Variants in DIP2B observed in about 807,000 individuals in gnomAD.
DIP2B encodes the protein DIP2 acetate--CoA ligase B (putative).
Under a neutral mutation model 198.0 loss-of-function variants are expected in DIP2B, and 76 were observed. That is an observed-to-expected ratio of 0.38 (90% CI 0.32 to 0.46). The LOEUF (loss-of-function observed/expected upper bound fraction) is 0.46, where lower values mean the gene tolerates loss of function less well. Ranked by LOEUF, DIP2B falls within the 20% of genes least tolerant of loss-of-function variation. The pLI is 0.99. For missense variants in DIP2B, 1,559 were observed against 1,978.4 expected, an observed-to-expected ratio of 0.79 and a Z score of 4.02; for synonymous variants, 701 against 739.1, an observed-to-expected ratio of 0.95 and a Z score of 0.84.
chr12:50,733,555 A>G (rs557728229), intron 32 of DIP2B, among the ~76,000 whole-genome samples: 2 of 152,198 alleles, frequency 1.3e-5, no homozygotes, highest in African/African-American at 4.8e-5. Flanking sequence ...TGCAAAAAAT[A>G]TAGATGGGCT....
chr12:50,730,329 CTTCT>C (rs940009998), intron 30 of DIP2B, among the ~76,000 whole-genome samples: 5 of 151,476 alleles, frequency 3.3e-5, no homozygotes, highest in African/African-American at 4.9e-5. Context: ...CTTTCTTTTT[CTTCT>C]TTTTCTTTCT....
chr12:50,727,714 A>T lies in DIP2B; in HGVS notation c.3412A>T (p.Arg1138Trp). Residue 1138 changes from arginine to tryptophan, a missense_variant, in exon 29 of 38, where the codon AGG becomes TGG. Coordinates refer to ENST00000301180, the MANE Select transcript of DIP2B (RefSeq NM_173602.3). ...PTIIDTDDLP[R>W]KRLPQLYKPP... Reference sequence around the variant, plus strand: ...TCTTTTCATGGCAGATGATTTACCCAGGAAAAGGTTACCTCAGCTGTATAA... The same window carrying T: ...TCTTTTCATGGCAGATGATTTACCCTGGAAAAGGTTACCTCAGCTGTATAA... 1 of 1,613,968 alleles carries T rather than the reference A, an allele frequency of 6.2e-7. No individual in the cohort carries two copies. Among genetic ancestry groups the T allele is most frequent in the Non-Finnish European group, 8.5e-7 (1 of 1,179,926 alleles).
At chr12:50,608,486 C>T (rs116904782) in intron 1 of DIP2B, among the ~76,000 whole-genome samples, 1,557 of 151,760 alleles carry the variant, frequency 0.01, 21 homozygotes, top group South Asian at 0.049. Context: ...GCTGGGTCCA[C>T]GTGGTGGTGC....
chr12:50,582,413 G>T (rs1958733994), intron 1 of DIP2B, among the ~76,000 whole-genome samples: 1 of 152,000 alleles, frequency 6.6e-6, no homozygotes, highest in Non-Finnish European at 1.5e-5. Context: ...GCCTCCCAAA[G>T]TGCTGGGATT....
chr12:50,586,141 T>C (rs1958768402), intron 1 of DIP2B, among the ~76,000 whole-genome samples: 1 of 152,248 alleles, frequency 6.6e-6, no homozygotes, highest in South Asian at 2.1e-4. Flanking sequence ...AGGTGGTCTC[T>C]GAAGGCTCTG....
chr12:50,512,320 T>G (rs962628679), intron 1 of DIP2B, among the ~76,000 whole-genome samples: 1 of 152,018 alleles, frequency 6.6e-6, no homozygotes, highest in African/African-American at 2.4e-5. Flanking sequence ...TTGGCCAGGC[T>G]GCTCTCAAAC....
rs1202528307 is a variant in DIP2B, at chr12:50,691,046, T to C, written c.1552-3T>C. The C allele has an allele frequency of 1.2e-6, 2 of 1,612,656 alleles. No individual in the cohort carries two copies. The highest frequency in any genetic ancestry group is 2.2e-5 in the South Asian group (2 of 90,666). Reference sequence around the variant, plus strand: ...TTCTTATGTTTCTGTTTTTGTTTTCTAGTATAAAACAAGCAAAGAAGGGAG... The same window carrying C: ...TTCTTATGTTTCTGTTTTTGTTTTCCAGTATAAAACAAGCAAAGAAGGGAG... On this transcript the variant is annotated splice_polypyrimidine_tract_variant and splice_region_variant and intron_variant, in intron 12 of 37. Transcript: ENST00000301180.
intron 1 of DIP2B, among the ~76,000 whole-genome samples, chr12:50,523,606 A>G (rs950435477): frequency 1.1e-4 from 16 of 152,184 alleles, no homozygotes; most frequent in Non-Finnish European, 2.9e-5. Flanking sequence ...TAGCCAAGAA[A>G]ATTTAGAAAC....
At chr12:50,514,111 G>A (rs1593568899) in intron 1 of DIP2B, among the ~76,000 whole-genome samples, 1 of 146,332 alleles carries the variant, frequency 6.8e-6, no homozygotes, top group East Asian at 2.0e-4. Context: ...TGTTGCTCAG[G>A]CTGGAGTGCA....
chr12:50,668,432 T>TC (rs909932159), intron 4 of DIP2B, among the ~76,000 whole-genome samples: 11 of 152,192 alleles, frequency 7.2e-5, no homozygotes, highest in African/African-American at 2.4e-4. Context: ...CATGTTTTTT[T>TC]CCACTACGCT....
intron 1 of DIP2B, among the ~76,000 whole-genome samples, chr12:50,582,126 CTTCT>C (rs1172411317): frequency 7.3e-6 from 1 of 137,434 alleles, no homozygotes; most frequent in African/African-American, 2.8e-5. Flanking sequence ...AGGATAATAG[CTTCT>C]TTTTCTTTTT....
chr12:50,683,290 A>G (rs761917767), intron 10 of DIP2B, 42 bp downstream of exon 10: 1 of 1,529,146 alleles, frequency 6.5e-7, no homozygotes, highest in Non-Finnish European at 9.0e-7. Context: ...CTGATGTGAC[A>G]TGGCAGGCAT....
At chr12:50,673,209 C>G (rs1938885314) in intron 5 of DIP2B, among the ~76,000 whole-genome samples, 1 of 152,160 alleles carries the variant, frequency 6.6e-6, no homozygotes, top group African/African-American at 2.4e-5. Context: ...ATTTTAAAAA[C>G]TATTCAACTA....
chr12:50,628,025 G>A (rs752109402), intron 2 of DIP2B, among the ~76,000 whole-genome samples: 2 of 152,202 alleles, frequency 1.3e-5, no homozygotes, highest in African/African-American at 2.4e-5. Flanking sequence ...GGCAGTGAGA[G>A]CAGTCTACCT....
At chr12:50,691,645 C>T (rs1939223973) in intron 13 of DIP2B, among the ~76,000 whole-genome samples, 1 of 152,060 alleles carries the variant, frequency 6.6e-6, no homozygotes, top group African/African-American at 2.4e-5. Context: ...TAAAATGAAA[C>T]AAGTTAATAA....
intron 1 of DIP2B, among the ~76,000 whole-genome samples, chr12:50,568,685 C>G (rs915031785): frequency 2.0e-5 from 3 of 152,156 alleles, no homozygotes; most frequent in African/African-American, 7.2e-5. Flanking sequence ...ATTTACTCTT[C>G]TTCTTCCTCA....
chr12:50,678,656 T>C, intron 7 of DIP2B, 23 bp from the exon 8 acceptor site: 9 of 1,606,530 alleles, frequency 5.6e-6, no homozygotes, highest in Non-Finnish European at 7.7e-6. Context: ...CTCATTTCAC[T>C]CATTGGGATT....
intron 4 of DIP2B, among the ~76,000 whole-genome samples, chr12:50,670,875 G>A (rs1938840503): frequency 6.6e-6 from 1 of 152,212 alleles, no homozygotes; most frequent in Non-Finnish European, 1.5e-5. Flanking sequence ...TTGAACATAA[G>A]TAGATGGACT....
At chr12:50,507,313 T>A (rs1262423583) in intron 1 of DIP2B, among the ~76,000 whole-genome samples, 1 of 152,208 alleles carries the variant, frequency 6.6e-6, no homozygotes, top group Non-Finnish European at 1.5e-5. Flanking sequence ...GCCTGCAGTG[T>A]CAGCATATTG....
Sources: gnomAD v4.1 joint callset for allele counts (sites outside exome capture counted in the v4.1 genomes callset) on GRCh38, gnomAD v4.1.1 for gene constraint, MANE v1.5 for transcripts, NCBI Gene and HGNC (gene_info 2026-07-23, HGNC 2026-07-21) for gene names.